Variants in UTRN observed in about 807,000 individuals in gnomAD.
UTRN encodes the protein dystrophin-related protein 1.
UTRN carries 283 observed loss-of-function variants against 463.9 expected under a neutral mutation model. That is an observed-to-expected ratio of 0.61 (90% confidence interval 0.55 to 0.67). The LOEUF (loss-of-function observed/expected upper bound fraction) is 0.67, where lower values mean the gene tolerates loss of function less well. Ranked by LOEUF, UTRN falls within the 30% of genes least tolerant of loss-of-function variation. The probability of loss-of-function intolerance (pLI) is 0.00; values close to 1 mark genes in which losing one functional copy is unlikely to be tolerated. For synonymous variants in UTRN, 1,442 were observed against 1,431.5 expected (o/e 1.01, Z -0.17); for missense variants, 3,922 against 4,084.3 (o/e 0.96, Z 1.08).
rs543323733 is a variant in UTRN, at chr6:144,489,706, C to T, written c.4135-365C>T. Among the ~76,000 whole-genome samples the T allele has an allele frequency of 2.4e-4, 37 of 152,238 alleles. No homozygotes were observed. In the East Asian group the frequency reaches 7.2e-3, roughly 30 times the overall value. On this transcript the variant is annotated intron_variant, in intron 30 of 74. Coordinates refer to ENST00000367545, the MANE Select transcript of UTRN (RefSeq NM_007124.3). The stretch of plus-strand genomic sequence containing the variant: ...GCGCGATCTCGGCTCACTGCAAACT[C>T]TGCCCCACAGGTTCAAGCAATTCTC...
chr6:144,838,425 T>C (rs1781284025), intron 71 of UTRN, among the ~76,000 whole-genome samples: 1 of 152,250 alleles, frequency 6.6e-6, no homozygotes, highest in Non-Finnish European at 1.5e-5. Flanking sequence ...CTTCAACTAA[T>C]ATAGATTTAA....
chr6:144,531,189 G>A lies in UTRN; in HGVS notation c.6044G>A (p.Arg2015Lys). The change falls in exon 42 of 75, where the codon AGG (arginine) becomes AAG (lysine). Residue 2015 changes from arginine to lysine, a missense_variant. Coordinates refer to ENST00000367545, the MANE Select transcript of UTRN (RefSeq NM_007124.3). ...PGGSLDLEKA[R>K]IHQQELEVGI... The stretch of plus-strand genomic sequence containing the variant: ...GGCAGCCTGGACTTAGAGAAAGCCA[G>A]GATACATCAGCAGGTGAGTGCTTTC... 1 of 1,613,806 alleles carries A rather than the reference G, an allele frequency of 6.2e-7. No homozygotes were observed. The highest frequency in any genetic ancestry group is 1.3e-5 in the African/African-American group (1 of 75,034).
chr6:144,774,618 C>CA (rs952895283), intron 60 of UTRN, among the ~76,000 whole-genome samples: 4 of 152,024 alleles, frequency 2.6e-5, no homozygotes, highest in Admixed American at 6.6e-5. Flanking sequence ...AAAGCTTTTT[C>CA]AAAAATTGTG....
intron 57 of UTRN, 125 bp from the exon 58 acceptor site, chr6:144,757,804 T>C (rs1266072758): frequency 3.9e-6 from 3 of 776,842 alleles, no homozygotes; most frequent in South Asian, 2.6e-5. Context: ...CTCATAATTA[T>C]AGGAATCCAG....
chr6:144,820,802 T>C, intron 65 of UTRN, 80 bp from the exon 66 acceptor site: 2 of 1,502,212 alleles, frequency 1.3e-6, no homozygotes, highest in Non-Finnish European at 1.8e-6. Context: ...TGCATCAATT[T>C]ACATCGGCTC....
At position 144,744,318 on chromosome 6, in the gene UTRN, ATATGTGTGTGTG is replaced by A. The variant is rs1316319475; in HGVS notation, c.7940-3926_7940-3915del. Among the ~76,000 whole-genome samples the A allele has an allele frequency of 2.4e-4, 32 of 135,592 alleles. 1 individual carries two copies. The highest frequency in any genetic ancestry group is 9.1e-4 in the African/African-American group (31 of 34,086). 89.0% of individuals were successfully genotyped at this position (135,592 alleles called of 152,430 possible). ...AAATGGTGTATACATATATATATATATATGTGTGTGTGTGTGTGTGTGTGTGTGTGTGTGTAT... is the reference window on the plus strand; with the variant it reads ...AAATGGTGTATACATATATATATATATGTGTGTGTGTGTGTGTGTGTGTAT... On this transcript the variant is annotated intron_variant, in intron 54 of 74. Transcript: ENST00000367545.
At chr6:144,371,355 A>G (rs1779968406) in intron 2 of UTRN, among the ~76,000 whole-genome samples, 1 of 152,026 alleles carries the variant, frequency 6.6e-6, no homozygotes, top group African/African-American at 2.4e-5. Flanking sequence ...TTTACCATGA[A>G]CCTAATTCTA....
intron 32 of UTRN, 64 bp from the exon 33 acceptor site, chr6:144,493,237 T>C: frequency 7.2e-6 from 11 of 1,531,410 alleles, no homozygotes; most frequent in Non-Finnish European, 9.9e-6. Flanking sequence ...TGGTCTGACA[T>C]GATGCCAGTT....
chr6:144,432,805 T>TG (rs1786005648), intron 9 of UTRN, among the ~76,000 whole-genome samples: 1 of 152,120 alleles, frequency 6.6e-6, no homozygotes, highest in Admixed American at 6.5e-5. Context: ...CAAAGGTCTC[T>TG]GGTTTTCCTA....
chr6:144,504,365 G>A (rs1794510162), intron 34 of UTRN, among the ~76,000 whole-genome samples: 1 of 152,088 alleles, frequency 6.6e-6, no homozygotes, highest in African/African-American at 2.4e-5. Context: ...ATATGATATT[G>A]GCTGTGGGTT....
intron 57 of UTRN, 64 bp downstream of exon 57, chr6:144,754,862 A>G: frequency 6.7e-7 from 1 of 1,493,786 alleles, no homozygotes; most frequent in Non-Finnish European, 9.3e-7. Context: ...TTTCACTTTA[A>G]TTGAAGAAGC....
At chr6:144,560,061 G>A (rs955598719) in intron 50 of UTRN, among the ~76,000 whole-genome samples, 8 of 152,132 alleles carry the variant, frequency 5.3e-5, no homozygotes, top group African/African-American at 9.7e-5. Flanking sequence ...GCACTGTACT[G>A]ACCTCTTCAC....
chr6:144,500,197 T>C (rs1015763263), intron 34 of UTRN, among the ~76,000 whole-genome samples: 4 of 152,208 alleles, frequency 2.6e-5, no homozygotes, highest in African/African-American at 9.6e-5. Flanking sequence ...CTAAACTGCT[T>C]TCCACAGAGG....
At chr6:144,654,392 C>G (rs773778469) in intron 51 of UTRN, among the ~76,000 whole-genome samples, 18 of 152,180 alleles carry the variant, frequency 1.2e-4, no homozygotes, top group Non-Finnish European at 2.1e-4. Flanking sequence ...ACCCAATGTT[C>G]AGTTCCTTAA....
intron 53 of UTRN, among the ~76,000 whole-genome samples, chr6:144,704,317 A>G (rs888991877): frequency 2.6e-5 from 4 of 152,234 alleles, no homozygotes; most frequent in African/African-American, 9.6e-5. Flanking sequence ...AAAATGGACA[A>G]TAAAGAAATG....
chr6:144,827,209 TCC>T, intron 66 of UTRN, 137 bp from the exon 67 acceptor site: 1 of 927,966 alleles, frequency 1.1e-6, no homozygotes, highest in Non-Finnish European at 1.6e-6. Context: ...ACTTTTGATT[TCC>T]CCATGGTGGC....
intron 50 of UTRN, among the ~76,000 whole-genome samples, chr6:144,560,102 C>T (rs893177982): frequency 2.6e-5 from 4 of 152,118 alleles, no homozygotes; most frequent in Non-Finnish European, 5.9e-5. Flanking sequence ...TTCACAACAA[C>T]TGCAGGAGAG....
At chr6:144,509,186 CTAAAT>C (rs1227492866) in intron 34 of UTRN, among the ~76,000 whole-genome samples, 1 of 151,942 alleles carries the variant, frequency 6.6e-6, no homozygotes, top group African/African-American at 2.4e-5. Flanking sequence ...CATTTTTGTC[CTAAAT>C]TCTTTCACAT....
chr6:144,330,028 G>A (rs547222015), intron 2 of UTRN, among the ~76,000 whole-genome samples: 3 of 152,350 alleles, frequency 2.0e-5, no homozygotes, highest in African/African-American at 7.2e-5. Context: ...ACTGCTTAGA[G>A]GGTAGACATT....
Sources: gnomAD v4.1 joint callset for allele counts (sites outside exome capture counted in the v4.1 genomes callset) on GRCh38, gnomAD v4.1.1 for gene constraint, MANE v1.5 for transcripts, NCBI Gene and HGNC (gene_info 2026-07-23, HGNC 2026-07-21) for gene names.